The following MCUB variants were observed in gnomAD, a reference collection of about 807,000 sequenced individuals.
MCUB encodes mitochondrial calcium uniporter dominant negative subunit beta.
Under a neutral mutation model 41.4 loss-of-function variants are expected in MCUB, and 46 were observed. That is an observed-to-expected ratio of 1.11 (90% CI 0.88 to 1.42). MCUB has a LOEUF of 1.42. MCUB is among the 40% of genes most tolerant of loss of function. The pLI, the probability that MCUB is intolerant of heterozygous loss-of-function variation, is 0.00. For missense variants in MCUB, 403 were observed against 404.9 expected, an observed-to-expected ratio of 1.00 and a Z score of 0.04; for synonymous variants, 148 against 148.2, an observed-to-expected ratio of 1.00 and a Z score of 0.01.
intron 1 of MCUB, among the ~76,000 whole-genome samples, chr4:109,630,018 G>A (rs1350914919): frequency 2.6e-5 from 4 of 152,030 alleles, no homozygotes; most frequent in Non-Finnish European, 4.4e-5. Flanking sequence ...GGCAGCTATC[G>A]GTCAACACAT....
intron 4 of MCUB, chr4:109,681,464 A>G: frequency 2.2e-6 from 1 of 453,958 alleles, no homozygotes; most frequent in South Asian, 1.6e-5. Flanking sequence ...TTGCTCCCAG[A>G]ACTCCCAAGA....
At chr4:109,602,801 A>G (rs1391847334) in intron 1 of MCUB, among the ~76,000 whole-genome samples, 2 of 152,214 alleles carry the variant, frequency 1.3e-5, no homozygotes, top group Non-Finnish European at 2.9e-5. Flanking sequence ...TTTGGTAAGT[A>G]TGGACATTTT....
chr4:109,607,391 T>C (rs967640554), intron 1 of MCUB, among the ~76,000 whole-genome samples: 2 of 152,158 alleles, frequency 1.3e-5, no homozygotes, highest in African/African-American at 2.4e-5. Flanking sequence ...CTAATTTTTG[T>C]ATTTTAAGTA....
intron 1 of MCUB, among the ~76,000 whole-genome samples, chr4:109,579,273 C>T (rs1401433536): frequency 7.4e-5 from 11 of 148,372 alleles, no homozygotes; most frequent in African/African-American, 2.2e-4. Flanking sequence ...TTTTTTGAGA[C>T]GGAGTCTCGC....
intron 1 of MCUB, among the ~76,000 whole-genome samples, chr4:109,633,320 TGCAGTG>T (rs1456079726): frequency 6.6e-6 from 1 of 151,954 alleles, no homozygotes; most frequent in Non-Finnish European, 1.5e-5. Flanking sequence ...CGGGCTGGAG[TGCAGTG>T]GCGCGATCTC....
intron 1 of MCUB, among the ~76,000 whole-genome samples, chr4:109,576,562 A>G (rs905905616): frequency 3.3e-5 from 5 of 151,954 alleles, no homozygotes; most frequent in Non-Finnish European, 7.4e-5. Flanking sequence ...AAGAAAAACA[A>G]AAAACTCAAA....
intron 1 of MCUB, among the ~76,000 whole-genome samples, chr4:109,604,619 T>G (rs541200689): frequency 6.6e-6 from 1 of 152,182 alleles, no homozygotes; most frequent in Admixed American, 6.5e-5. Flanking sequence ...GCTTTCAGTT[T>G]TTCGTCATTC....
chr4:109,573,867 ATTT>A (rs70954166), intron 1 of MCUB, among the ~76,000 whole-genome samples: 210 of 112,516 alleles, frequency 1.9e-3, no homozygotes, highest in African/African-American at 6.8e-3. Flanking sequence ...AAAGGGTTGA[ATTT>A]TTTTTTTTTT....
chr4:109,595,509 T>C (rs1384140999), intron 1 of MCUB, among the ~76,000 whole-genome samples: 8 of 107,390 alleles, frequency 7.4e-5, no homozygotes, highest in African/African-American at 2.5e-4. Context: ...AATAGTACAA[T>C]TATGGTGATG....
chr4:109,565,066 A>G (rs1307293142), intron 1 of MCUB, among the ~76,000 whole-genome samples: 1 of 152,250 alleles, frequency 6.6e-6, no homozygotes, highest in Non-Finnish European at 1.5e-5. Context: ...ATATTTGTTC[A>G]AGTATTAAAG....
At chr4:109,583,284 A>G (rs1036716548) in intron 1 of MCUB, among the ~76,000 whole-genome samples, 3 of 151,982 alleles carry the variant, frequency 2.0e-5, no homozygotes, top group Non-Finnish European at 2.9e-5. Context: ...TTCACATCCC[A>G]TGTAAGTTGG....
At chr4:109,664,417 T>G in intron 4 of MCUB, 23 bp downstream of exon 4, 1 of 856,754 alleles carries the variant, frequency 1.2e-6, no homozygotes. Context: ...GCTATCCAAC[T>G]ATTACTTTTT....
At chr4:109,660,107 TG>T in intron 2 of MCUB, 87 bp from the exon 3 acceptor site, 1 of 686,256 alleles carries the variant, frequency 1.5e-6, no homozygotes, top group Middle Eastern at 2.8e-4. Flanking sequence ...GTGAATTTCA[TG>T]TTTGAGCATT....
intron 1 of MCUB, among the ~76,000 whole-genome samples, chr4:109,577,291 T>C (rs1727053263): frequency 6.6e-6 from 1 of 152,254 alleles, no homozygotes; most frequent in African/African-American, 2.4e-5. Context: ...TTTTTCCAAG[T>C]AAATCCTGTG....
At chr4:109,610,107 G>GC (rs1168143462) in intron 1 of MCUB, among the ~76,000 whole-genome samples, 1 of 152,122 alleles carries the variant, frequency 6.6e-6, no homozygotes, top group Non-Finnish European at 1.5e-5. Flanking sequence ...TTCACTTAAG[G>GC]CCCAAGGGTC....
At position 109,664,371 on chromosome 4, in the gene MCUB, A is replaced by T. The variant is rs141349693; in HGVS notation, c.428A>T (p.Tyr143Phe). 1 of 1,463,528 alleles carries T rather than the reference A, an allele frequency of 6.8e-7. No homozygotes were observed. The highest frequency in any genetic ancestry group is 9.6e-7 in the Non-Finnish European group (1 of 1,044,094). The allele number at this position is 1,463,528 out of a possible 1,614,324, so 90.7% of individuals were successfully genotyped here. Residue 143 changes from tyrosine to phenylalanine, a missense_variant, in exon 4 of 8, where the codon TAT (tyrosine) becomes TTT (phenylalanine). By Grantham distance (22) the Tyr-to-Phe change is conservative (BLOSUM62 3). Transcript: ENST00000394650. ...DFKLVINKIA[Y>F]DVQCPKREKP... Reference sequence around the variant, plus strand: ...AAACTTGTCATTAATAAAATAGCATATGATGTGCAGTGTCCAAAGAGAGGT... The same window carrying T: ...AAACTTGTCATTAATAAAATAGCATTTGATGTGCAGTGTCCAAAGAGAGGT...
intron 1 of MCUB, among the ~76,000 whole-genome samples, chr4:109,572,183 C>T (rs376311565): frequency 2.6e-5 from 4 of 152,230 alleles, no homozygotes; most frequent in Admixed American, 2.6e-4. Context: ...CATTATAAGC[C>T]GCCCTCCAGG....
At chr4:109,612,833 G>A (rs1382789342) in intron 1 of MCUB, among the ~76,000 whole-genome samples, 9 of 152,302 alleles carry the variant, frequency 5.9e-5, no homozygotes, top group Non-Finnish European at 1.2e-4. Flanking sequence ...TAGGCCGGGT[G>A]CGGTGTCTCA....
intron 1 of MCUB, among the ~76,000 whole-genome samples, chr4:109,642,957 G>A (rs28439244): frequency 1.3e-4 from 18 of 143,496 alleles, no homozygotes; most frequent in East Asian, 1.2e-3. Flanking sequence ...GTGCAATGGC[G>A]TAATTTTTTG....
Sources: gnomAD v4.1 joint callset for allele counts (sites outside exome capture counted in the v4.1 genomes callset) on GRCh38, gnomAD v4.1.1 for gene constraint, MANE v1.5 for transcripts, NCBI Gene and HGNC (gene_info 2026-07-23, HGNC 2026-07-21) for gene names.